Variants in SLIT1 observed in about 807,000 individuals in gnomAD.
SLIT1 encodes the protein slit homolog 1 protein.
In SLIT1, 66 loss-of-function variants were observed where a neutral mutation model predicts 186.1. The ratio of observed to expected loss-of-function variants is 0.35; its 90% confidence interval spans 0.29 to 0.44. The LOEUF (loss-of-function observed/expected upper bound fraction) is 0.44, where lower values mean the gene tolerates loss of function less well. Among genes scored for constraint, SLIT1 ranks in the 20% least tolerant of loss-of-function variants. The pLI is 1.00. For synonymous variants in SLIT1, 761 were observed against 833.8 expected (o/e 0.91, Z 1.50); for missense variants, 1,638 against 2,037.4 (o/e 0.80, Z 3.77).
At chr10:97,087,549 T>A (rs899163714) in intron 4 of SLIT1, among the ~76,000 whole-genome samples, 1 of 152,034 alleles carries the variant, frequency 6.6e-6, no homozygotes, top group Non-Finnish European at 1.5e-5. Context: ...CTAATATGAG[T>A]GAAGAGCACT....
intron 4 of SLIT1, among the ~76,000 whole-genome samples, chr10:97,090,721 C>G (rs565990964): frequency 1.3e-5 from 2 of 152,218 alleles, no homozygotes; most frequent in Non-Finnish European, 2.9e-5. Context: ...ACCAACAGCT[C>G]CCTTCACTGA....
At position 97,021,366 on chromosome 10, in the gene SLIT1, A is replaced by G; in HGVS notation, c.2630T>C (p.Leu877Pro). 1 of 1,614,130 alleles carries G rather than the reference A, an allele frequency of 6.2e-7. No individual in the cohort carries two copies. Among genetic ancestry groups the G allele is most frequent in the Non-Finnish European group, 8.5e-7 (1 of 1,179,976 alleles). Reference sequence around the variant, plus strand: ...GTAGCCAGTCTTCACCCAGCTGGACAGCCAGCGGAGGTGGCAGTCACAGTA... The same window carrying G: ...GTAGCCAGTCTTCACCCAGCTGGACGGCCAGCGGAGGTGGCAGTCACAGTA... ...PLYCDCHLRW[L>P]SSWVKTGYKE... The change falls in exon 26 of 37, where the codon CTG becomes CCG. Residue 877 changes from leucine to proline, a missense_variant. Around this residue, in one of 3 missense-constraint regions of SLIT1, gnomAD observed 1,245 missense variants for 1,535.3 expected, o/e 0.81. Transcript: ENST00000266058. This position sits in a 1 kb window ranked among gnomAD's most constrained non-coding sequence, Gnocchi z 4.5.
At chr10:97,027,406 C>T (rs1160478750) in intron 25 of SLIT1, among the ~76,000 whole-genome samples, 1 of 152,230 alleles carries the variant, frequency 6.6e-6, no homozygotes, top group Non-Finnish European at 1.5e-5. Flanking sequence ...TATAAGTACA[C>T]ACACATCTTC....
At chr10:97,119,923 A>G (rs1438166606) in intron 4 of SLIT1, among the ~76,000 whole-genome samples, 1 of 125,796 alleles carries the variant, frequency 7.9e-6, no homozygotes, top group African/African-American at 3.0e-5. Flanking sequence ...GTATATATAT[A>G]TATATATATA....
intron 25 of SLIT1, among the ~76,000 whole-genome samples, chr10:97,027,602 ACC>A (rs1848557136): frequency 2.0e-5 from 3 of 152,208 alleles, no homozygotes; most frequent in Non-Finnish European, 2.9e-5. Flanking sequence ...AGTACTGCTA[ACC>A]TGATCTTTAC....
chr10:97,122,437 C>T (rs184562352), intron 4 of SLIT1, among the ~76,000 whole-genome samples: 415 of 152,206 alleles, frequency 2.7e-3, no homozygotes, highest in Middle Eastern at 0.014. Flanking sequence ...GCCACGGTGT[C>T]GAGAGCAGGT....
chr10:97,033,348 T>C (rs946831657), intron 23 of SLIT1, among the ~76,000 whole-genome samples: 2 of 152,214 alleles, frequency 1.3e-5, no homozygotes. Flanking sequence ...GTGAATGAGA[T>C]ACTTTTACAC....
At chr10:97,008,077 A>G (rs1430466431) in intron 31 of SLIT1, among the ~76,000 whole-genome samples, 2 of 152,106 alleles carry the variant, frequency 1.3e-5, no homozygotes, top group African/African-American at 4.8e-5. Context: ...GAAGGAGGAA[A>G]GGAAAGATAA....
chr10:97,069,861 A>G (rs982668907), intron 4 of SLIT1, among the ~76,000 whole-genome samples: 1 of 152,208 alleles, frequency 6.6e-6, no homozygotes, highest in Non-Finnish European at 1.5e-5. Context: ...AGGACTCAGT[A>G]ACTTACTTCT....
intron 4 of SLIT1, among the ~76,000 whole-genome samples, chr10:97,136,814 G>A (rs1439871892): frequency 6.6e-6 from 1 of 152,200 alleles, no homozygotes; most frequent in African/African-American, 2.4e-5. Flanking sequence ...GGGGGCAGTG[G>A]CCGGGTCACC....
Position 97,010,330 on chromosome 10 carries a change from C to A in SLIT1, c.3341+663G>T, listed in dbSNP as rs1488847906. ...ACAAAGGACAACAGACTGTACGATT[C>A]GACTTATAGGAAATCCCCAGAACAG... On this transcript the variant is annotated intron_variant, in intron 31 of 36. Coordinates refer to ENST00000266058, the MANE Select transcript of SLIT1 (RefSeq NM_003061.3). This position sits in a 1 kb window ranked among gnomAD's most constrained non-coding sequence, Gnocchi z 4.8. Among the ~76,000 whole-genome samples the A allele has an allele frequency of 2.0e-5, 3 of 152,144 alleles. No homozygotes were observed. The highest frequency in any genetic ancestry group is 2.9e-5 in the Non-Finnish European group (2 of 68,034).
At chr10:97,034,631 C>T (rs1848622231) in intron 22 of SLIT1, 89 bp from the exon 23 acceptor site, 3 of 1,192,734 alleles carry the variant, frequency 2.5e-6, no homozygotes, top group Non-Finnish European at 3.7e-6. Context: ...TCACTCTGCC[C>T]AGGGCCATTC....
At chr10:97,008,450 T>C (rs759409101) in intron 31 of SLIT1, among the ~76,000 whole-genome samples, 15 of 152,248 alleles carry the variant, frequency 9.9e-5, no homozygotes, top group Middle Eastern at 6.8e-3. Flanking sequence ...ATCCCAGCAC[T>C]TTGGGAGGCC....
chr10:97,126,527 C>T (rs563626038), intron 4 of SLIT1, among the ~76,000 whole-genome samples: 2 of 152,312 alleles, frequency 1.3e-5, no homozygotes, highest in African/African-American at 2.4e-5. Context: ...TTCACTGATA[C>T]ATTTTACCTG....
chr10:97,056,325 T>A lies in SLIT1; in HGVS notation c.1297A>T (p.Thr433Ser). ...AGAAGGCATCAGGGCACTCACAGAGTCTGGATGGCCCGCAGGGAGGTGAAA... is the reference window on the plus strand; with the variant it reads ...AGAAGGCATCAGGGCACTCACAGAGACTGGATGGCCCGCAGGGAGGTGAAA... Reference protein sequence around the residue: ...GTFTSLRAIQTLHLAQNPFIC... With the variant: ...GTFTSLRAIQSLHLAQNPFIC... Residue 433 changes from threonine to serine, a missense_variant, in exon 13 of 37, where the codon ACT (threonine) becomes TCT (serine). This residue lies in a region of SLIT1 where 1,245 missense variants were observed against 1,535.3 expected (regional missense o/e 0.81). Transcript: ENST00000266058. 1 of 1,613,726 alleles carries A rather than the reference T, an allele frequency of 6.2e-7. No individual in the cohort carries two copies. Among genetic ancestry groups the A allele is most frequent in the East Asian group, 2.2e-5 (1 of 44,866 alleles).
Position 97,185,709 on chromosome 10 carries a change from G to T in SLIT1, c.-35C>A, listed in dbSNP as rs1330971812. On this transcript the variant is annotated 5_prime_UTR_variant, in exon 1 of 37. Transcript: ENST00000266058. ...ACAGCGTCCCGCTCGCGAGCCAGAC[G>T]GCAGCAGCCGCTGACCATCCCCGTC... 1.4e-6 allele frequency: 2 copies of T among 1,452,218 alleles called. No homozygotes were observed. Among genetic ancestry groups the T allele is most frequent in the Non-Finnish European group, 1.8e-6 (2 of 1,109,292 alleles). The allele number at this position is 1,452,218 out of a possible 1,614,324, so 90.0% of individuals were successfully genotyped here.
intron 4 of SLIT1, among the ~76,000 whole-genome samples, chr10:97,081,100 G>A (rs889160801): frequency 2.0e-5 from 3 of 152,216 alleles, no homozygotes; most frequent in Non-Finnish European, 4.4e-5. Flanking sequence ...AGACTCTGAG[G>A]GGCAGACTCT....
intron 4 of SLIT1, 113 bp from the exon 5 acceptor site, chr10:97,066,199 C>G (rs1352438672): frequency 1.3e-6 from 1 of 780,928 alleles, no homozygotes; most frequent in Non-Finnish European, 2.2e-6. Context: ...ACTGAACCAG[C>G]CACTGCTGCA....
chr10:97,060,344 C>T (rs1027422456), intron 9 of SLIT1, among the ~76,000 whole-genome samples, 186 bp from the exon 10 acceptor site: 2 of 152,222 alleles, frequency 1.3e-5, no homozygotes, highest in African/African-American at 4.8e-5. Context: ...GACTTGCGCT[C>T]CATTATCACA....
Sources: allele counts gnomAD v4.1 joint callset (sites outside exome capture counted in the v4.1 genomes callset), GRCh38; gene constraint gnomAD v4.1.1; regional missense constraint gnomAD v4.1.1; non-coding constraint Gnocchi (gnomAD v3.1); transcripts MANE v1.5; gene names NCBI Gene and HGNC (gene_info 2026-07-23, HGNC 2026-07-21).